DHODH: variants seen among roughly 807,000 people sequenced by gnomAD.
DHODH encodes the protein dihydroorotate dehydrogenase (quinone).
A neutral mutation model predicts 39.7 loss-of-function variants in DHODH; 30 were observed. That is an observed-to-expected ratio of 0.76 (90% CI 0.57 to 1.02). The LOEUF (loss-of-function observed/expected upper bound fraction) is 1.02. Among genes scored for constraint, DHODH ranks in the 50% least tolerant of loss-of-function variants. DHODH has a pLI of 0.00. For synonymous variants in DHODH, 222 were observed against 213.8 expected (o/e 1.04, Z -0.34); for missense variants, 531 against 520.8 (o/e 1.02, Z -0.19).
chr16:72,020,344 TA>T (rs1567572785), intron 4 of DHODH: 12 of 119,280 alleles, frequency 1.0e-4, no homozygotes, highest in African/African-American at 4.5e-4. Flanking sequence ...TATATATATA[TA>T]TATATATATG....
chr16:72,022,665 T>C (rs570667077), intron 6 of DHODH, among the ~76,000 whole-genome samples, 190 bp downstream of exon 6: 1 of 152,104 alleles, frequency 6.6e-6, no homozygotes, highest in African/African-American at 2.4e-5. Context: ...CTTGAAGGAG[T>C]TTTTCTAATG....
At chr16:72,008,867 T>G in intron 1 of DHODH, 82 bp downstream of exon 1, 6 of 1,550,628 alleles carry the variant, frequency 3.9e-6, no homozygotes, top group Non-Finnish European at 5.2e-6. Flanking sequence ...GGGCGAGGCA[T>G]GGACCGAAGG....
intron 1 of DHODH, among the ~76,000 whole-genome samples, chr16:72,009,474 C>CAGTCCGG (rs1469427787): frequency 2.5e-5 from 3 of 121,400 alleles, no homozygotes; most frequent in East Asian, 5.2e-4. Flanking sequence ...CTGCAGTCCG[C>CAGTCCGG]AGTCCGGCCT....
chr16:72,008,930 C>G, intron 1 of DHODH, 145 bp downstream of exon 1: 1 of 1,527,000 alleles, frequency 6.5e-7, no homozygotes, highest in Non-Finnish European at 8.8e-7. Context: ...CCGGGGTCTC[C>G]TGCAAATGCT....
intron 2 of DHODH, among the ~76,000 whole-genome samples, chr16:72,014,072 G>T (rs2041113110): frequency 6.6e-6 from 1 of 152,156 alleles, no homozygotes; most frequent in South Asian, 2.1e-4. Flanking sequence ...TTGGTTTCAG[G>T]GAAGCACTAT....
intron 3 of DHODH, chr16:72,016,256 G>C (rs1407259197): frequency 1.3e-5 from 2 of 153,250 alleles, no homozygotes; most frequent in East Asian, 3.9e-4. Flanking sequence ...AGCAAGGCTG[G>C]GAAAGGAGTC....
chr16:72,008,795 G>GC lies in DHODH; in HGVS notation c.21+11dup. The GC allele has an allele frequency of 6.4e-7, 1 of 1,552,186 alleles. No homozygotes were observed. The highest frequency in any genetic ancestry group is 8.7e-7 in the Non-Finnish European group (1 of 1,147,204). On this transcript the variant is annotated intron_variant, in intron 1 of 8. Transcript: ENST00000219240. ...GTGGAGACACCTGAAAGTGAGTCCC[G>GC]CGAGTGAGCAGTGTGGATGGGGGAC...
chr16:72,018,580 C>T (rs2041169634), intron 4 of DHODH, among the ~76,000 whole-genome samples: 1 of 152,180 alleles, frequency 6.6e-6, no homozygotes, highest in Non-Finnish European at 1.5e-5. Flanking sequence ...ATCTCCTGTT[C>T]TTCCTCACCC....
At chr16:72,022,544 T>TG in intron 6 of DHODH, 69 bp downstream of exon 6, 1 of 1,275,656 alleles carries the variant, frequency 7.8e-7, no homozygotes, top group Non-Finnish European at 1.1e-6. Context: ...CCAGCTGGGC[T>TG]AGCCCAGAAT....
rs1048560064 is a variant in DHODH, at chr16:72,025,673, GCTC to G, written c.*1477_*1479del. The G allele has an allele frequency of 5.9e-5, 9 of 152,384 alleles. No homozygotes were observed. Among genetic ancestry groups the G allele is most frequent in the African/African-American group, 1.9e-4 (8 of 41,456 alleles). 9.4% of individuals were successfully genotyped at this position (152,384 alleles called of 1,614,324 possible). On this transcript the variant is annotated 3_prime_UTR_variant, in exon 9 of 9. Transcript: ENST00000219240. ...ACATTCTGATAGATAGAGCCAAGTT[GCTC>G]CTATCAGGTTTTCAAGCTGCCCATT...
At chr16:72,013,205 T>TC (rs1162980257) in intron 2 of DHODH, among the ~76,000 whole-genome samples, 2 of 150,838 alleles carry the variant, frequency 1.3e-5, no homozygotes, top group Non-Finnish European at 2.9e-5. Context: ...ACGTGTCATT[T>TC]CCCCTGACTG....
rs747805437 is a variant in DHODH at position 72,023,601 on chromosome 16, C to T, written c.1101C>T (p.Gly367=). ...ALTFWGPPVV[G]KVKRELEALL... ...CCTTCTGGGGGCCACCCGTTGTGGG[C>T]AAAGTCAAGCGGGAACTGGAGGCCC... The change falls in exon 8 of 9, where the codon GGC becomes GGT. Residue 367 remains glycine (G), a synonymous_variant. Coordinates refer to ENST00000219240, the MANE Select transcript of DHODH (RefSeq NM_001361.5). The T allele has an allele frequency of 3.7e-6, 6 of 1,614,070 alleles. No homozygotes were observed. In the East Asian group the frequency reaches 1.1e-4, roughly 30 times the overall value.
At chr16:72,014,452 A>T (rs2041117374) in intron 2 of DHODH, 21 bp from the exon 3 acceptor site, 2 of 1,612,074 alleles carry the variant, frequency 1.2e-6, no homozygotes, top group Middle Eastern at 1.7e-4. Flanking sequence ...CGTGCCTCTG[A>T]CTTTGTCTTC....
intron 4 of DHODH, among the ~76,000 whole-genome samples, chr16:72,019,668 G>GA (rs1259241436): frequency 1.3e-5 from 2 of 152,186 alleles, no homozygotes; most frequent in Non-Finnish European, 2.9e-5. Flanking sequence ...AGACCCTCTT[G>GA]AGAGTAAAAA....
intron 4 of DHODH, 41 bp downstream of exon 4, chr16:72,017,147 G>C (rs375841720): frequency 6.3e-7 from 1 of 1,585,766 alleles, no homozygotes; most frequent in Non-Finnish European, 8.7e-7. Flanking sequence ...TTATTTATTA[G>C]GAGGAAACGT....
chr16:72,021,444 C>A, intron 5 of DHODH, 133 bp downstream of exon 5: 1 of 899,312 alleles, frequency 1.1e-6, no homozygotes, highest in Non-Finnish European at 1.7e-6. Context: ...GGACCCCTGG[C>A]TATACCTTCC....
chr16:72,024,432 T>G lies in DHODH; in HGVS notation c.*233T>G. On this transcript the variant is annotated 3_prime_UTR_variant, in exon 9 of 9. Coordinates refer to ENST00000219240, the MANE Select transcript of DHODH (RefSeq NM_001361.5). ...TTCTTTGTGGATTCAAACCCTAGGA[T>G]CCATCAGTCTTGCAAGGACATTGAA... The G allele has an allele frequency of 5.2e-6, 3 of 579,580 alleles. No homozygotes were observed. Among genetic ancestry groups the G allele is most frequent in the Non-Finnish European group, 9.3e-6 (3 of 322,198 alleles). 35.9% of individuals were successfully genotyped at this position (579,580 alleles called of 1,614,324 possible).
chr16:72,017,096 G>C lies in DHODH; in HGVS notation c.507G>C (p.Lys169Asn), dbSNP rs772903480. The change falls in exon 4 of 9, where the codon AAG (lysine) becomes AAC (asparagine). Residue 169 changes from lysine to asparagine, a missense_variant. Physicochemically the swap from Lys to Asn is moderately conservative, Grantham distance 94 (BLOSUM62 0). Coordinates refer to ENST00000219240, the MANE Select transcript of DHODH (RefSeq NM_001361.5). ...RLRARQQKQA[K>N]LTEDGLPLGV... ...GGGCCAGACAGCAGAAGCAGGCCAAGCTCACAGAAGGTAAAGTGGGGTTGT... is the reference window on the plus strand; with the variant it reads ...GGGCCAGACAGCAGAAGCAGGCCAACCTCACAGAAGGTAAAGTGGGGTTGT... The C allele has an allele frequency of 1.2e-5, 19 of 1,613,956 alleles. No individual in the cohort carries two copies. In the Admixed American group the frequency reaches 2.7e-4, roughly 23 times the overall value.
intron 4 of DHODH, among the ~76,000 whole-genome samples, chr16:72,019,345 G>C (rs1251113862): frequency 6.6e-6 from 1 of 152,172 alleles, no homozygotes; most frequent in East Asian, 1.9e-4. Context: ...AGTGTGATTG[G>C]GGTTGGGAAG....
Sources: allele counts gnomAD v4.1 joint callset (sites outside exome capture counted in the v4.1 genomes callset), GRCh38; gene constraint gnomAD v4.1.1; transcripts MANE v1.5; gene names NCBI Gene and HGNC (gene_info 2026-07-23, HGNC 2026-07-21).